Variants in MYCBP2 observed in about 807,000 individuals in gnomAD.
MYCBP2 encodes the protein E3 ubiquitin-protein ligase MYCBP2.
In MYCBP2, 120 loss-of-function variants were observed where a neutral mutation model predicts 525.3. The ratio of observed to expected loss-of-function variants is 0.23; its 90% CI spans 0.20 to 0.27. MYCBP2 has a LOEUF of 0.27. MYCBP2 is among the 10% of genes least tolerant of loss of function. MYCBP2 has a pLI of 1.00. For synonymous variants in MYCBP2, 1,894 were observed against 1,955.8 expected (o/e 0.97, Z 0.83); for missense variants, 4,149 against 5,657.1 (o/e 0.73, Z 8.55).
chr13:77,286,687 C>A (rs1343332623), intron 3 of MYCBP2, among the ~76,000 whole-genome samples: 1 of 118,008 alleles, frequency 8.5e-6, no homozygotes. Flanking sequence ...ACCTGGGAGG[C>A]GGAGCTTGCA....
At chr13:77,078,665 T>G (rs1276002236) in intron 66 of MYCBP2, among the ~76,000 whole-genome samples, 159 bp downstream of exon 66, 1 of 152,144 alleles carries the variant, frequency 6.6e-6, no homozygotes, top group Non-Finnish European at 1.5e-5. Context: ...GTGGTTACTA[T>G]TCCTATGTTT....
intron 58 of MYCBP2, among the ~76,000 whole-genome samples, chr13:77,095,005 T>C (rs2046020317): frequency 6.6e-6 from 1 of 152,134 alleles, no homozygotes; most frequent in African/African-American, 2.4e-5. Context: ...ATGAATAATT[T>C]ACGAAATAAA....
chr13:77,275,854 C>T lies in MYCBP2; in HGVS notation c.749-2186G>A, dbSNP rs956579073. 5.3e-5 allele frequency among the ~76,000 whole-genome samples: 8 copies of T among 151,972 alleles called. No individual in the cohort carries two copies. The South Asian group carries it at 8.3e-4, about 16-fold the overall frequency. On this transcript the variant is annotated intron_variant, in intron 4 of 82. Coordinates refer to ENST00000544440, the MANE Select transcript of MYCBP2 (RefSeq NM_015057.5). The stretch of plus-strand genomic sequence containing the variant: ...CAAAAATTAGCCGGGCATTGTGGAA[C>T]GCGCCTGTAGTCCAAGCTACTCAGG...
chr13:77,098,871 T>C lies in MYCBP2; in HGVS notation c.8283A>G (p.Thr2761=). Residue 2761 remains threonine (T), a synonymous_variant, in exon 56 of 83, where the codon ACA becomes ACG. Transcript: ENST00000544440. ...TTADQKKPRG[T]ESLSASESLI... is the part of the protein sequence containing the mutation. ...GGGATTCACTAGCAGATAAACTTTCTGTGCCCCTTGGCTTCTTCTGATCAG... is the reference window on the plus strand; with the variant it reads ...GGGATTCACTAGCAGATAAACTTTCCGTGCCCCTTGGCTTCTTCTGATCAG... 6.2e-7 allele frequency: 1 copy of C among 1,613,726 alleles called. No homozygotes were observed. Among genetic ancestry groups the C allele is most frequent in the Non-Finnish European group, 8.5e-7 (1 of 1,179,748 alleles).
chr13:77,070,746 GA>G, intron 68 of MYCBP2, 35 bp from the exon 69 acceptor site: 1 of 1,269,460 alleles, frequency 7.9e-7, no homozygotes, highest in Non-Finnish European at 1.1e-6. Flanking sequence ...AAAAAAGAAT[GA>G]AGTGGTCTCT....
chr13:77,298,355 C>T (rs1236386969), intron 1 of MYCBP2, among the ~76,000 whole-genome samples: 2 of 152,128 alleles, frequency 1.3e-5, no homozygotes, highest in African/African-American at 2.4e-5. Context: ...TCTCATTCAT[C>T]GTATATTTAT....
At chr13:77,281,904 T>C (rs1346231778) in intron 3 of MYCBP2, among the ~76,000 whole-genome samples, 3 of 152,226 alleles carry the variant, frequency 2.0e-5, no homozygotes, top group African/African-American at 7.2e-5. Context: ...TATACTTTTA[T>C]ATTTGAAAAA....
chr13:77,203,266 G>C (rs1451140017), intron 26 of MYCBP2, among the ~76,000 whole-genome samples: 1 of 151,848 alleles, frequency 6.6e-6, no homozygotes, highest in Non-Finnish European at 1.5e-5. Flanking sequence ...CAAACAGAGA[G>C]CCAAATCATG....
rs2058410826 is a variant in MYCBP2, at chr13:77,165,372, T to C, written c.6360A>G (p.Ser2120=). Residue 2120 remains serine (S), a synonymous_variant, in exon 42 of 83, where the codon TCA becomes TCG. Transcript: ENST00000544440. ...TCACATAATCTGATGCAGTCTCCAA[T>C]GAAAAAAGGGCCTCATTTCCTAATA... ...LVLPGNEALF[S]LETASDYVKD... is the part of the protein sequence containing the mutation. 4 of 1,598,354 alleles carry C rather than the reference T, an allele frequency of 2.5e-6. No individual in the cohort carries two copies. In the South Asian group the frequency reaches 3.5e-5, roughly 14 times the overall value.
At position 77,260,588 on chromosome 13, in the gene MYCBP2, C is replaced by T. The variant is rs745485771; in HGVS notation, c.1857G>A (p.Lys619=). ...ASKGEDGEST[K]SRRQSKPYKP... ...TATAAGGTTTGGATTGCCGTCTGCT[C>T]TTAGCTTTAAAAAAGAAATTAGATT... Residue 619 remains lysine, a synonymous_variant, in exon 13 of 83, where the codon AAG becomes AAA. Transcript: ENST00000544440. The T allele has an allele frequency of 4.4e-6, 7 of 1,588,998 alleles. No homozygotes were observed. In the Middle Eastern group the frequency reaches 6.7e-4, roughly 151 times the overall value.
chr13:77,222,539 G>A (rs535474326), intron 20 of MYCBP2, among the ~76,000 whole-genome samples: 32 of 152,094 alleles, frequency 2.1e-4, no homozygotes, highest in Non-Finnish European at 2.5e-4. Flanking sequence ...GCCTCAGCTC[G>A]AAGGGTAGAG....
intron 41 of MYCBP2, among the ~76,000 whole-genome samples, chr13:77,165,614 G>T (rs2058442077): frequency 6.6e-6 from 1 of 152,078 alleles, no homozygotes; most frequent in South Asian, 2.1e-4. Context: ...CAAATGAATT[G>T]TTACTTTTTT....
At chr13:77,304,092 A>T (rs2079111524) in intron 1 of MYCBP2, among the ~76,000 whole-genome samples, 1 of 152,236 alleles carries the variant, frequency 6.6e-6, no homozygotes, top group Admixed American at 6.5e-5. Flanking sequence ...AACTAAAAAC[A>T]GAACTACCAT....
intron 55 of MYCBP2, among the ~76,000 whole-genome samples, chr13:77,120,792 A>G (rs1277668816): frequency 6.6e-6 from 1 of 152,158 alleles, no homozygotes; most frequent in African/African-American, 2.4e-5. Context: ...ACAGCTGTAT[A>G]TATATTATAT....
chr13:77,265,980 A>T (rs2074010517), intron 8 of MYCBP2, among the ~76,000 whole-genome samples: 2 of 152,216 alleles, frequency 1.3e-5, no homozygotes, highest in African/African-American at 2.4e-5. Flanking sequence ...CTTATGAAAC[A>T]CAGAAAGCCA....
chr13:77,284,203 AC>A (rs1273186667), intron 3 of MYCBP2, among the ~76,000 whole-genome samples: 1 of 152,104 alleles, frequency 6.6e-6, no homozygotes, highest in Non-Finnish European at 1.5e-5. Flanking sequence ...CAACACTTCA[AC>A]AACAGATTAA....
At chr13:77,219,137 C>T (rs952178866) in intron 20 of MYCBP2, among the ~76,000 whole-genome samples, 5 of 152,072 alleles carry the variant, frequency 3.3e-5, no homozygotes, top group African/African-American at 1.2e-4. Flanking sequence ...CCTTATGAGT[C>T]TCTTCTAACA....
At chr13:77,057,166 T>C in intron 78 of MYCBP2, 73 bp from the exon 79 acceptor site, 1 of 1,070,148 alleles carries the variant, frequency 9.3e-7, no homozygotes, top group Non-Finnish European at 1.4e-6. Flanking sequence ...GGAGATTATT[T>C]AATGCAAGGC....
In MYCBP2 at chr13:77,097,394, A is replaced by G; in HGVS notation, c.9760T>C (p.Tyr3254His). The change falls in exon 56 of 83, where the codon TAT (tyrosine) becomes CAT (histidine). Residue 3254 changes from tyrosine to histidine, a missense_variant. By Grantham distance (83) the Tyr-to-His change is moderately conservative. Around this residue, in one of 21 missense-constraint regions of MYCBP2, gnomAD observed 26 missense variants for 48.2 expected, o/e 0.54. Coordinates refer to ENST00000544440, the MANE Select transcript of MYCBP2 (RefSeq NM_015057.5). ...CGESHPYPVTYHMRQAHPGCG... is the reference protein window; with the variant it reads ...CGESHPYPVTHHMRQAHPGCG... Reference sequence around the variant, plus strand: ...CCTGGGTGAGCTTGTCTCATGTGATAGGTCACCGGGTATGGATGTGACTCC... The same window carrying G: ...CCTGGGTGAGCTTGTCTCATGTGATGGGTCACCGGGTATGGATGTGACTCC... 1 of 1,606,324 alleles carries G rather than the reference A, an allele frequency of 6.2e-7. No homozygotes were observed. The highest frequency in any genetic ancestry group is 1.1e-5 in the South Asian group (1 of 89,050).
Sources: gnomAD v4.1 joint callset for allele counts (sites outside exome capture counted in the v4.1 genomes callset) on GRCh38, gnomAD v4.1.1 for gene constraint, gnomAD v4.1.1 regional missense constraint, MANE v1.5 for transcripts, NCBI Gene and HGNC (gene_info 2026-07-23, HGNC 2026-07-21) for gene names.